Variants in KCNH1 observed in about 807,000 individuals in gnomAD.
KCNH1 encodes potassium voltage-gated channel subfamily H member 1, also known as voltage-gated delayed rectifier potassium channel KCNH1.
A neutral mutation model predicts 69.2 loss-of-function variants in KCNH1; 27 were observed. The ratio of observed to expected loss-of-function variants is 0.39; its 90% CI spans 0.29 to 0.54. The LOEUF (loss-of-function observed/expected upper bound fraction) is 0.54. Among genes scored for constraint, KCNH1 ranks in the 20% least tolerant of loss-of-function variants. KCNH1 has a pLI of 0.68. For synonymous variants in KCNH1, 456 were observed against 487.7 expected, an observed-to-expected ratio of 0.93 and a Z score of 0.86; for missense variants, 798 against 1,261.6, an observed-to-expected ratio of 0.63 and a Z score of 5.57.
At chr1:210,862,571 C>T (rs1321277233) in intron 7 of KCNH1, among the ~76,000 whole-genome samples, 2 of 152,152 alleles carry the variant, frequency 1.3e-5, no homozygotes, top group Non-Finnish European at 2.9e-5. Context: ...TGGTCTTAAG[C>T]AATCATCCTG....
chr1:210,968,546 T>C (rs1688452786), intron 6 of KCNH1, among the ~76,000 whole-genome samples: 1 of 149,520 alleles, frequency 6.7e-6, no homozygotes, highest in Non-Finnish European at 1.5e-5. Flanking sequence ...CCTGACTTTT[T>C]AATGATTGCC....
intron 10 of KCNH1, among the ~76,000 whole-genome samples, chr1:210,701,739 TA>T (rs1681785991): frequency 2.0e-5 from 3 of 152,274 alleles, no homozygotes; most frequent in African/African-American, 7.2e-5. Flanking sequence ...TCCATGTTTC[TA>T]AAAACAGTAG....
At chr1:210,988,270 G>C (rs914630230) in intron 6 of KCNH1, among the ~76,000 whole-genome samples, 1 of 151,970 alleles carries the variant, frequency 6.6e-6, no homozygotes, top group Non-Finnish European at 1.5e-5. Context: ...GATCACACAT[G>C]GTGTGCTGCA....
At chr1:210,851,864 G>A (rs1263122382) in intron 7 of KCNH1, among the ~76,000 whole-genome samples, 1 of 152,204 alleles carries the variant, frequency 6.6e-6, no homozygotes, top group African/African-American at 2.4e-5. Context: ...TACGCGGTTT[G>A]TTGTTGAGTG....
intron 10 of KCNH1, among the ~76,000 whole-genome samples, chr1:210,718,379 C>T (rs1370402184): frequency 1.1e-5 from 1 of 92,418 alleles, no homozygotes; most frequent in Admixed American, 1.5e-4. Context: ...TAAATATATG[C>T]ATATATTTAT....
At chr1:211,129,261 C>A (rs1691835083) in intron 1 of KCNH1, among the ~76,000 whole-genome samples, 1 of 152,078 alleles carries the variant, frequency 6.6e-6, no homozygotes, top group African/African-American at 2.4e-5. Context: ...ATTAACTAAT[C>A]AAAAATAAAG....
At chr1:210,720,009 G>A (rs927876682) in intron 10 of KCNH1, among the ~76,000 whole-genome samples, 5 of 152,012 alleles carry the variant, frequency 3.3e-5, no homozygotes, top group Non-Finnish European at 5.9e-5. Flanking sequence ...TAAATGCAGC[G>A]GCATGCAGAT....
intron 6 of KCNH1, among the ~76,000 whole-genome samples, chr1:210,975,628 A>T (rs1055709270): frequency 5.9e-5 from 9 of 152,212 alleles, no homozygotes; most frequent in African/African-American, 2.2e-4. Context: ...TATATGTTAG[A>T]CCTAAAGCCA....
At chr1:211,096,430 C>T (rs1479298050) in intron 3 of KCNH1, among the ~76,000 whole-genome samples, 1 of 152,160 alleles carries the variant, frequency 6.6e-6, no homozygotes, top group Non-Finnish European at 1.5e-5. Flanking sequence ...AAATGCCCAA[C>T]CTCATTTCAC....
Position 211,097,715 on chromosome 1 carries a change from T to A in KCNH1, c.310+5781A>T, listed in dbSNP as rs146490912. ...GTCTGGCATAGTGCTGAGCCTACAGTAGGTAATCAATATGTACCTGGCCAG... is the reference window on the plus strand; with the variant it reads ...GTCTGGCATAGTGCTGAGCCTACAGAAGGTAATCAATATGTACCTGGCCAG... On this transcript the variant is annotated intron_variant, in intron 3 of 10. Coordinates refer to ENST00000271751, the MANE Select transcript of KCNH1 (RefSeq NM_172362.3). Among the ~76,000 whole-genome samples the A allele has an allele frequency of 3.2e-3, 484 of 152,316 alleles. 3 individuals carry two copies. Among genetic ancestry groups the A allele is most frequent in the African/African-American group, 0.011 (468 of 41,572 alleles).
chr1:210,923,634 A>G (rs1687508399), intron 6 of KCNH1, among the ~76,000 whole-genome samples: 1 of 152,220 alleles, frequency 6.6e-6, no homozygotes, highest in African/African-American at 2.4e-5. Context: ...GTGATTCTTC[A>G]GGCTTGTCAC....
chr1:211,023,770 T>C (rs1258161372), intron 5 of KCNH1, among the ~76,000 whole-genome samples: 3 of 152,164 alleles, frequency 2.0e-5, no homozygotes, highest in Non-Finnish European at 4.4e-5. Flanking sequence ...CTGATTTGAT[T>C]ATATAAATTT....
intron 3 of KCNH1, among the ~76,000 whole-genome samples, chr1:211,091,224 C>G (rs1465661889): frequency 6.6e-6 from 1 of 152,134 alleles, no homozygotes; most frequent in Non-Finnish European, 1.5e-5. Context: ...TTTAGACTCC[C>G]AGGCTGGAGT....
At chr1:210,686,740 G>A (rs1413324341) in intron 10 of KCNH1, among the ~76,000 whole-genome samples, 1 of 152,116 alleles carries the variant, frequency 6.6e-6, no homozygotes, top group Non-Finnish European at 1.5e-5. Context: ...GTTTGGGTGA[G>A]TCTATTCCTT....
chr1:210,997,867 TA>T (rs1299191549), intron 6 of KCNH1, among the ~76,000 whole-genome samples: 2 of 152,198 alleles, frequency 1.3e-5, no homozygotes. Context: ...TCAACATTCT[TA>T]AAGAAAAGAA....
At chr1:210,813,094 T>C (rs546130650) in intron 7 of KCNH1, among the ~76,000 whole-genome samples, 3 of 152,312 alleles carry the variant, frequency 2.0e-5, no homozygotes, top group South Asian at 2.1e-4. Context: ...CGCTGGTACA[T>C]AGAGACTCCT....
intron 6 of KCNH1, among the ~76,000 whole-genome samples, chr1:210,954,933 T>G (rs896670065): frequency 6.6e-6 from 1 of 152,222 alleles, no homozygotes. Context: ...ATTTTGGCTT[T>G]TGTTGCCATT....
chr1:211,042,234 T>G (rs1690008560), intron 5 of KCNH1, among the ~76,000 whole-genome samples: 1 of 152,222 alleles, frequency 6.6e-6, no homozygotes, highest in Non-Finnish European at 1.5e-5. Context: ...CACTTCTTTC[T>G]TCTGTTACTT....
intron 6 of KCNH1, among the ~76,000 whole-genome samples, chr1:210,939,748 A>G (rs1429438637): frequency 6.6e-6 from 1 of 152,240 alleles, no homozygotes; most frequent in Admixed American, 6.5e-5. Context: ...CAGCATAGGT[A>G]GAAAGTAGCA....
Sources: gnomAD v4.1 joint callset for allele counts (sites outside exome capture counted in the v4.1 genomes callset) on GRCh38, gnomAD v4.1.1 for gene constraint, MANE v1.5 for transcripts, NCBI Gene and HGNC (gene_info 2026-07-23, HGNC 2026-07-21) for gene names.